The following TBC1D8 variants were observed in gnomAD, a reference collection of about 807,000 sequenced individuals.
TBC1D8 encodes BUB2-like protein 1.
In TBC1D8, 65 loss-of-function variants were observed where a neutral mutation model predicts 118.8. That is an observed-to-expected ratio of 0.55 (90% CI 0.45 to 0.67). TBC1D8 has a LOEUF of 0.67. Among genes scored for constraint, TBC1D8 ranks in the 30% least tolerant of loss-of-function variants. The pLI is 0.00. For missense variants in TBC1D8, 1,376 were observed against 1,471.2 expected, an observed-to-expected ratio of 0.94 and a Z score of 1.06; for synonymous variants, 566 against 595.8, an observed-to-expected ratio of 0.95 and a Z score of 0.73.
At position 101,145,413 on chromosome 2, in the gene TBC1D8, G is replaced by A. The variant is rs566284412; in HGVS notation, c.127+5714C>T. On this transcript the variant is annotated intron_variant, in intron 1 of 19. Transcript: ENST00000409318. ...ATACCAAAGCATGTAAGACTCTGGA[G>A]CCAACATCTGGGACTTCTATAGAAT... is the stretch of plus-strand genomic sequence containing the variant. Among the ~76,000 whole-genome samples, 3 of 152,318 alleles carry A rather than the reference G, an allele frequency of 2.0e-5. No individual in the cohort carries two copies. In the East Asian group the frequency reaches 5.8e-4, roughly 29 times the overall value.
At chr2:101,044,905 T>C (rs1371706544) in intron 5 of TBC1D8, among the ~76,000 whole-genome samples, 3 of 152,116 alleles carry the variant, frequency 2.0e-5, no homozygotes, top group African/African-American at 7.2e-5. Context: ...CCCACCACCA[T>C]GCCCAGCTAA....
intron 1 of TBC1D8, among the ~76,000 whole-genome samples, chr2:101,148,863 A>T (rs1363708375): frequency 6.6e-6 from 1 of 152,148 alleles, no homozygotes; most frequent in African/African-American, 2.4e-5. Flanking sequence ...TAAATTGCTA[A>T]CAATCTGCCA....
intron 2 of TBC1D8, among the ~76,000 whole-genome samples, chr2:101,076,129 TTTTACCC>T: frequency 6.6e-6 from 1 of 152,298 alleles, no homozygotes; most frequent in Admixed American, 6.5e-5. Context: ...AAAGGAGGCA[TTTTACCC>T]CATGTTTTCT....
intron 2 of TBC1D8, among the ~76,000 whole-genome samples, chr2:101,085,052 C>T (rs1413986340): frequency 5.9e-5 from 9 of 151,800 alleles, no homozygotes; most frequent in African/African-American, 1.9e-4. Flanking sequence ...GGGGTTTCAC[C>T]GTGTTAGCCA....
chr2:101,073,390 G>A (rs1014002177), intron 2 of TBC1D8, among the ~76,000 whole-genome samples: 1 of 151,480 alleles, frequency 6.6e-6, no homozygotes, highest in South Asian at 2.1e-4. Flanking sequence ...CGCCTCCTGG[G>A]TTCATGCCAT....
intron 12 of TBC1D8, among the ~76,000 whole-genome samples, chr2:101,029,162 G>T (rs1266423684): frequency 6.6e-6 from 1 of 152,176 alleles, no homozygotes; most frequent in Admixed American, 6.5e-5. Context: ...GCCGAGGAGG[G>T]TGGATCACTT....
chr2:101,008,550 C>T (rs1558962795), intron 19 of TBC1D8, among the ~76,000 whole-genome samples: 1 of 152,170 alleles, frequency 6.6e-6, no homozygotes, highest in Non-Finnish European at 1.5e-5. Context: ...CACAGTGGCT[C>T]CCGCCTGTAA....
chr2:101,043,813 G>A (rs1297489334), intron 5 of TBC1D8, among the ~76,000 whole-genome samples: 3 of 152,112 alleles, frequency 2.0e-5, no homozygotes, highest in Non-Finnish European at 2.9e-5. Context: ...GGTGACGGGT[G>A]CCTGTAAACC....
intron 15 of TBC1D8, among the ~76,000 whole-genome samples, chr2:101,025,550 C>T (rs923820658): frequency 1.3e-5 from 2 of 152,018 alleles, no homozygotes; most frequent in African/African-American, 4.8e-5. Flanking sequence ...CTTTGTTTTT[C>T]TTTTTTCAAT....
At chr2:101,141,112 AG>A (rs1373155829) in intron 1 of TBC1D8, among the ~76,000 whole-genome samples, 1 of 152,116 alleles carries the variant, frequency 6.6e-6, no homozygotes, top group Non-Finnish European at 1.5e-5. Flanking sequence ...TCAGAAGTGG[AG>A]GCTTTAGCTC....
intron 2 of TBC1D8, among the ~76,000 whole-genome samples, chr2:101,079,082 C>T (rs1217715270): frequency 1.3e-5 from 2 of 152,190 alleles, no homozygotes; most frequent in African/African-American, 4.8e-5. Context: ...CTCCAGGCAG[C>T]ACAAAGTCAT....
chr2:101,054,811 T>C (rs986830642), intron 3 of TBC1D8, among the ~76,000 whole-genome samples: 12 of 148,206 alleles, frequency 8.1e-5, no homozygotes, highest in African/African-American at 3.0e-4. Context: ...GCCTCCCAAA[T>C]AGCTGGGATC....
At chr2:101,022,236 C>T in intron 16 of TBC1D8, 45 bp downstream of exon 16, 1 of 1,612,040 alleles carries the variant, frequency 6.2e-7, no homozygotes, top group Non-Finnish European at 8.5e-7. Flanking sequence ...TGCTCACAGA[C>T]CCACACCCCA....
chr2:101,017,758 A>C, intron 17 of TBC1D8: 1 of 1,316,080 alleles, frequency 7.6e-7, no homozygotes, highest in Non-Finnish European at 1.1e-6. Context: ...AGTGACAAAA[A>C]GGATAAGATG....
chr2:101,050,634 A>C lies in TBC1D8; in HGVS notation c.639T>G (p.Leu213=), dbSNP rs1237804823. Residue 213 remains leucine, a synonymous_variant, in exon 5 of 20, where the codon CTT becomes CTG. Transcript: ENST00000409318. ...TCTGGATATCAACCCACGGAACCAC[A>C]AGTTTAACTGTAAGAGAAAAGGGTG... is the stretch of plus-strand genomic sequence containing the variant. The part of the protein sequence containing the change: ...YSFFLGKELK[L]VVPWVDIQKL... The C allele has an allele frequency of 6.2e-7, 1 of 1,613,624 alleles. No individual in the cohort carries two copies. Among genetic ancestry groups the C allele is most frequent in the South Asian group, 1.1e-5 (1 of 91,078 alleles).
intron 2 of TBC1D8, among the ~76,000 whole-genome samples, chr2:101,067,898 T>C (rs1341083385): frequency 3.9e-5 from 6 of 152,240 alleles, no homozygotes; most frequent in African/African-American, 9.6e-5. Flanking sequence ...TATGAAATAC[T>C]CTAAATCCTT....
In TBC1D8 at chr2:101,143,123, C is replaced by T. The variant is rs570307099; in HGVS notation, c.127+8004G>A. Among the ~76,000 whole-genome samples the T allele has an allele frequency of 5.5e-5, 8 of 145,742 alleles. No homozygotes were observed. In the South Asian group the frequency reaches 8.6e-4, roughly 16 times the overall value. ...TGTCACCCAGAGTGGAGTGCAATGG[C>T]GAGATCTCGGCTCACTGCAACCTCC... On this transcript the variant is annotated intron_variant, in intron 1 of 19. Transcript: ENST00000409318.
chr2:101,051,402 T>C (rs1024706234), intron 4 of TBC1D8, among the ~76,000 whole-genome samples: 1 of 152,114 alleles, frequency 6.6e-6, no homozygotes, highest in Admixed American at 6.6e-5. Flanking sequence ...CAGGCAAAGA[T>C]TTTATGATGA....
chr2:101,110,121 G>A, intron 1 of TBC1D8: 1 of 615,798 alleles, frequency 1.6e-6, no homozygotes, highest in Middle Eastern at 8.2e-4. Flanking sequence ...CCAAATAGAG[G>A]CCTACTAATA....
Sources: allele counts gnomAD v4.1 joint callset (sites outside exome capture counted in the v4.1 genomes callset), GRCh38; gene constraint gnomAD v4.1.1; transcripts MANE v1.5; gene names NCBI Gene and HGNC (gene_info 2026-07-23, HGNC 2026-07-21).